Variants in LRFN5 observed in about 807,000 individuals in gnomAD.
LRFN5 encodes the protein leucine rich repeat and fibronectin type III domain containing 5.
LRFN5 carries 24 observed loss-of-function variants against 45.6 expected under a neutral mutation model. The ratio of observed to expected loss-of-function variants is 0.53; its 90% CI spans 0.38 to 0.74. The LOEUF (loss-of-function observed/expected upper bound fraction) is 0.74, where lower values mean the gene tolerates loss of function less well. Ranked by LOEUF, LRFN5 falls within the 30% of genes least tolerant of loss-of-function variation. The probability of loss-of-function intolerance (pLI) is 0.00; values close to 1 mark genes in which losing one functional copy is unlikely to be tolerated. For synonymous variants in LRFN5, 340 were observed against 313.8 expected, an observed-to-expected ratio of 1.08 and a Z score of -0.88; for missense variants, 776 against 861.5, an observed-to-expected ratio of 0.90 and a Z score of 1.24.
chr14:41,619,274 C>T (rs1420568142), intron 1 of LRFN5, among the ~76,000 whole-genome samples: 1 of 151,886 alleles, frequency 6.6e-6, no homozygotes, highest in Admixed American at 6.6e-5. Context: ...AGTAAATAAT[C>T]TCATTTATGT....
intron 1 of LRFN5, among the ~76,000 whole-genome samples, chr14:41,625,763 A>C (rs1228551479): frequency 6.6e-6 from 1 of 152,154 alleles, no homozygotes; most frequent in East Asian, 1.9e-4. Flanking sequence ...TCACATGTAC[A>C]AGGTAAAAAA....
chr14:41,671,616 C>T (rs57884375), intron 1 of LRFN5, among the ~76,000 whole-genome samples: 1,433 of 37,106 alleles, frequency 0.039, 21 homozygotes, highest in East Asian at 0.17. Context: ...TTTTTTTTTT[C>T]GTTTTTTTTT....
chr14:41,873,523 T>C (rs1890093054), intron 2 of LRFN5, among the ~76,000 whole-genome samples: 1 of 151,832 alleles, frequency 6.6e-6, no homozygotes, highest in South Asian at 2.1e-4. Flanking sequence ...TCTGTAGGAG[T>C]ACTGCCGGAA....
At chr14:41,774,903 A>G (rs8020419) in intron 2 of LRFN5, among the ~76,000 whole-genome samples, 5,255 of 152,146 alleles carry the variant, frequency 0.035, 321 homozygotes, top group African/African-American at 0.12. Flanking sequence ...AGGCTGGATA[A>G]TGACTGTGAT....
intron 1 of LRFN5, among the ~76,000 whole-genome samples, chr14:41,735,679 A>G (rs1449002518): frequency 6.6e-6 from 1 of 152,134 alleles, no homozygotes; most frequent in Non-Finnish European, 1.5e-5. Flanking sequence ...ATAGGAATAC[A>G]AGTGCCGTGG....
At chr14:41,712,359 C>T (rs1429833530) in intron 1 of LRFN5, among the ~76,000 whole-genome samples, 3 of 152,002 alleles carry the variant, frequency 2.0e-5, no homozygotes, top group Admixed American at 6.6e-5. Context: ...GCCAGGAGTT[C>T]GAGACCAGCT....
intron 2 of LRFN5, among the ~76,000 whole-genome samples, chr14:41,802,941 C>T (rs1225452585): frequency 1.3e-5 from 2 of 152,088 alleles, no homozygotes; most frequent in Non-Finnish European, 2.9e-5. Flanking sequence ...TCGGCATAAT[C>T]CTTTTCTGCT....
chr14:41,867,332 T>G (rs1157284600), intron 2 of LRFN5, among the ~76,000 whole-genome samples: 1 of 151,526 alleles, frequency 6.6e-6, no homozygotes, highest in South Asian at 2.1e-4. Flanking sequence ...TTAGTTGGTG[T>G]ATTATACATA....
At chr14:41,629,672 A>G (rs1443540829) in intron 1 of LRFN5, among the ~76,000 whole-genome samples, 1 of 152,132 alleles carries the variant, frequency 6.6e-6, no homozygotes, top group Non-Finnish European at 1.5e-5. Flanking sequence ...TCATCCTTTA[A>G]TTAGTCATTC....
At chr14:41,658,053 G>T (rs1295311993) in intron 1 of LRFN5, among the ~76,000 whole-genome samples, 1 of 151,780 alleles carries the variant, frequency 6.6e-6, no homozygotes, top group Non-Finnish European at 1.5e-5. Context: ...AGTAATTAAA[G>T]GAATGAAAAC....
intron 2 of LRFN5, among the ~76,000 whole-genome samples, chr14:41,820,830 C>A (rs1455507781): frequency 6.6e-6 from 1 of 151,886 alleles, no homozygotes; most frequent in Non-Finnish European, 1.5e-5. Flanking sequence ...CAGATCTTCA[C>A]CTCCTGGGTT....
chr14:41,641,671 T>TC (rs1879584755), intron 1 of LRFN5, among the ~76,000 whole-genome samples: 1 of 152,064 alleles, frequency 6.6e-6, no homozygotes, highest in Admixed American at 6.6e-5. Flanking sequence ...GTAATAGAGA[T>TC]CAGATCCATG....
intron 5 of LRFN5, among the ~76,000 whole-genome samples, chr14:41,903,495 T>C (rs1016225057): frequency 6.6e-6 from 1 of 151,368 alleles, no homozygotes; most frequent in Admixed American, 6.6e-5. Context: ...ATATCTTAAA[T>C]CCATGAAGAC....
At chr14:41,617,211 A>C (rs1054634526) in intron 1 of LRFN5, among the ~76,000 whole-genome samples, 3 of 152,080 alleles carry the variant, frequency 2.0e-5, no homozygotes, top group African/African-American at 7.2e-5. Context: ...CATCATCTTC[A>C]TCATATTCTG....
intron 1 of LRFN5, among the ~76,000 whole-genome samples, chr14:41,678,518 G>T (rs1244548537): frequency 2.0e-5 from 3 of 152,056 alleles, no homozygotes; most frequent in African/African-American, 7.2e-5. Context: ...ATAAAGACTT[G>T]AATGATATCA....
chr14:41,608,487 C>G lies in LRFN5; in HGVS notation c.-272C>G, dbSNP rs1275805386. On this transcript the variant is annotated 5_prime_UTR_variant, in exon 1 of 6. Transcript: ENST00000298119. ...ACCCGCGTACGACTGTGAAAGCCAC[C>G]TGGAGCCACCTTGCCGGGATTGTAC... is the stretch of plus-strand genomic sequence containing the variant. 2 of 152,730 alleles carry G rather than the reference C, an allele frequency of 1.3e-5. No homozygotes were observed. The highest frequency in any genetic ancestry group is 2.4e-5 in the African/African-American group (1 of 41,454). 9.5% of individuals were successfully genotyped at this position (152,730 alleles called of 1,614,324 possible). A position where few individuals can be genotyped will look rare whatever the true frequency, so the allele number is the denominator to read the frequency against.
At chr14:41,839,037 A>T (rs1180547569) in intron 2 of LRFN5, among the ~76,000 whole-genome samples, 3 of 152,094 alleles carry the variant, frequency 2.0e-5, no homozygotes, top group African/African-American at 7.2e-5. Flanking sequence ...TTCAGGTTAC[A>T]ATATTAAATT....
At chr14:41,838,047 A>G (rs940586080) in intron 2 of LRFN5, among the ~76,000 whole-genome samples, 8 of 152,220 alleles carry the variant, frequency 5.3e-5, no homozygotes, top group Non-Finnish European at 5.9e-5. Context: ...TGGTTTTTAC[A>G]TCGTTAAAGC....
chr14:41,776,072 A>G (rs1352789906), intron 2 of LRFN5, among the ~76,000 whole-genome samples: 1 of 152,186 alleles, frequency 6.6e-6, no homozygotes, highest in Non-Finnish European at 1.5e-5. Flanking sequence ...AACAACCAAC[A>G]TTGGAATCGC....
Sources: allele counts gnomAD v4.1 joint callset (sites outside exome capture counted in the v4.1 genomes callset), GRCh38; gene constraint gnomAD v4.1.1; transcripts MANE v1.5; gene names NCBI Gene and HGNC (gene_info 2026-07-23, HGNC 2026-07-21).